Variants in POTEE observed in about 807,000 individuals in gnomAD.
POTEE encodes the protein POTE ankyrin domain family member E.
In POTEE, 21 loss-of-function variants were observed where a neutral mutation model predicts 74.2. The ratio of observed to expected loss-of-function variants is 0.28; its 90% CI spans 0.20 to 0.41. The LOEUF is 0.41. Ranked by LOEUF, POTEE falls within the 10% of genes least tolerant of loss-of-function variation. POTEE has a pLI of 1.00. For synonymous variants in POTEE, 211 were observed against 432.8 expected, an observed-to-expected ratio of 0.49 and a Z score of 6.36; for missense variants, 525 against 1,158.6, an observed-to-expected ratio of 0.45 and a Z score of 7.94.
In POTEE at chr2:131,263,901, C is replaced by T. The variant is rs777240667; in HGVS notation, c.2446C>T (p.Arg816Cys). The T allele has an allele frequency of 4.7e-4, 766 of 1,614,064 alleles. No homozygotes were observed. The highest frequency in any genetic ancestry group is 6.0e-4 in the Non-Finnish European group (706 of 1,180,034). The stretch of plus-strand genomic sequence containing the variant: ...GGCCCCCCTGAACCCCAAGGCCAAC[C>T]GCGAGAAGATGACCCAGATCATGTT... ...TEAPLNPKAN[R>C]EKMTQIMFET... Residue 816 changes from arginine (R) to cysteine (C), a missense_variant, in exon 18 of 18, where the codon CGC (arginine) becomes TGC (cysteine). Transcript: ENST00000683005.
intron 16 of POTEE, among the ~76,000 whole-genome samples, chr2:131,260,471 G>A (rs1701676395): frequency 2.3e-5 from 3 of 128,318 alleles, no homozygotes; most frequent in Non-Finnish European, 4.9e-5. Flanking sequence ...TCATTTGTTT[G>A]TGTCATCTGT....
chr2:131,231,466 T>TTGC (rs1700956250), intron 9 of POTEE, among the ~76,000 whole-genome samples: 1 of 152,056 alleles, frequency 6.6e-6, no homozygotes, highest in Non-Finnish European at 1.5e-5. Flanking sequence ...GACCCCTGCT[T>TTGC]TGCGTGGTCC....
intron 9 of POTEE, 66 bp downstream of exon 9, chr2:131,230,972 T>G (rs563756672): frequency 6.7e-7 from 1 of 1,500,230 alleles, no homozygotes; most frequent in South Asian, 1.2e-5. Context: ...CAGGGACCGG[T>G]TTTGTGGAAG....
chr2:131,260,349 A>G (rs900488536), intron 16 of POTEE, among the ~76,000 whole-genome samples: 4 of 145,026 alleles, frequency 2.8e-5, no homozygotes, highest in Non-Finnish European at 4.5e-5. Context: ...AATTCTGTGA[A>G]GAATGACATT....
chr2:131,210,498 C>T (rs1048485805), intron 1 of POTEE, among the ~76,000 whole-genome samples: 1 of 151,800 alleles, frequency 6.6e-6, no homozygotes, highest in Non-Finnish European at 1.5e-5. Context: ...ACAGCAACAG[C>T]CATGGTCTCC....
At chr2:131,226,604 T>G (rs1311425067) in intron 6 of POTEE, among the ~76,000 whole-genome samples, 1 of 149,306 alleles carries the variant, frequency 6.7e-6, no homozygotes, top group Non-Finnish European at 1.5e-5. Flanking sequence ...AAAGTGAGTT[T>G]TTGAGATGAT....
chr2:131,237,905 A>T (rs865819917), intron 10 of POTEE, among the ~76,000 whole-genome samples: 1,435 of 150,844 alleles, frequency 9.5e-3, no homozygotes, highest in African/African-American at 0.034. Flanking sequence ...TGACCAAATT[A>T]AGTTTGCTGG....
intron 9 of POTEE, among the ~76,000 whole-genome samples, chr2:131,231,854 A>G (rs1218048694): frequency 6.6e-6 from 1 of 152,176 alleles, no homozygotes; most frequent in Non-Finnish European, 1.5e-5. Context: ...TTATAGTCCA[A>G]ACTGTATGAG....
rs1439124607 is a variant in POTEE at position 131,228,395 on chromosome 2, T to TTA, written c.1055+15_1055+16dup. On this transcript the variant is annotated intron_variant, in intron 8 of 17. Transcript: ENST00000683005. ...TCATCATCATGTGTAAGTGTTTACA[T>TTA]TAAAAGGCTAGTTAATGCTGAATTG... The TTA allele has an allele frequency of 6.2e-7, 1 of 1,608,628 alleles. No individual in the cohort carries two copies. Among genetic ancestry groups the TTA allele is most frequent in the African/African-American group, 1.4e-5 (1 of 73,428 alleles).
Position 131,238,188 on chromosome 2 carries a change from C to T in POTEE, c.1198-6C>T, listed in dbSNP as rs1330467699. ...GCAAATTAACCTTCTGTTTTTGCCT[C>T]TGCAGAAAATGTCTCAAGAACTAGA... is the stretch of plus-strand genomic sequence containing the variant. On this transcript the variant is annotated splice_polypyrimidine_tract_variant and splice_region_variant and intron_variant, in intron 10 of 17. Transcript: ENST00000683005. 1.2e-6 allele frequency: 2 copies of T among 1,605,346 alleles called. No homozygotes were observed. The highest frequency in any genetic ancestry group is 1.1e-5 in the South Asian group (1 of 89,972).
At chr2:131,262,690 T>C (rs1701746238) in intron 17 of POTEE, among the ~76,000 whole-genome samples, 1 of 152,090 alleles carries the variant, frequency 6.6e-6, no homozygotes, top group South Asian at 2.1e-4. Context: ...CTTTTAAGAA[T>C]CGCGATCTTA....
intron 6 of POTEE, among the ~76,000 whole-genome samples, chr2:131,225,378 TAAC>T (rs113056508): frequency 1.8e-4 from 23 of 126,924 alleles, no homozygotes; most frequent in Admixed American, 3.3e-4. Context: ...ACCCTGTCTC[TAAC>T]AACAACAACA....
chr2:131,234,203 A>G (rs1204298824), intron 9 of POTEE, among the ~76,000 whole-genome samples: 2 of 151,800 alleles, frequency 1.3e-5, no homozygotes, highest in Non-Finnish European at 2.9e-5. Flanking sequence ...CTTTTAGGGA[A>G]TGATACTCTC....
chr2:131,253,360 C>T (rs572823346), intron 16 of POTEE, among the ~76,000 whole-genome samples: 3 of 149,328 alleles, frequency 2.0e-5, no homozygotes, highest in East Asian at 2.0e-4. Context: ...ATTTTAGCTT[C>T]GGGGTACGTG....
At chr2:131,217,049 T>C (rs1373515266) in intron 2 of POTEE, among the ~76,000 whole-genome samples, 2 of 152,152 alleles carry the variant, frequency 1.3e-5, no homozygotes, top group Admixed American at 1.3e-4. Flanking sequence ...ATTTTATACT[T>C]TAAATGAGTG....
intron 8 of POTEE, among the ~76,000 whole-genome samples, chr2:131,228,757 A>C (rs1411988764): frequency 1.4e-5 from 2 of 147,128 alleles, no homozygotes; most frequent in Non-Finnish European, 2.9e-5. Flanking sequence ...TCTGGGGACT[A>C]TGTCCTACAT....
chr2:131,214,148 G>A (rs1700406879), intron 2 of POTEE, among the ~76,000 whole-genome samples: 1 of 152,128 alleles, frequency 6.6e-6, no homozygotes, highest in Admixed American at 6.5e-5. Flanking sequence ...CCCCATTTTA[G>A]GAGAAACCTC....
chr2:131,211,016 A>G lies in POTEE; in HGVS notation c.-344-12A>G, dbSNP rs1469754835. 1.3e-5 allele frequency among the ~76,000 whole-genome samples: 2 copies of G among 150,872 alleles called. No homozygotes were observed. The highest frequency in any genetic ancestry group is 3.9e-4 in the East Asian group (2 of 5,184). On this transcript the variant is annotated splice_polypyrimidine_tract_variant and intron_variant, in intron 1 of 17. Transcript: ENST00000683005. Reference sequence around the variant, plus strand: ...AGGCTCTAACGTTACCACTCCCTGCATCCCATTCTAGGCTTTTCTGGCTTT... The same window carrying G: ...AGGCTCTAACGTTACCACTCCCTGCGTCCCATTCTAGGCTTTTCTGGCTTT...
At chr2:131,256,971 G>A (rs1203388256) in intron 16 of POTEE, among the ~76,000 whole-genome samples, 4 of 152,348 alleles carry the variant, frequency 2.6e-5, no homozygotes, top group Admixed American at 2.0e-4. Context: ...CTTCAAACCT[G>A]TTTGTGTCTT....
Sources: allele counts gnomAD v4.1 joint callset (sites outside exome capture counted in the v4.1 genomes callset), GRCh38; gene constraint gnomAD v4.1.1; transcripts MANE v1.5; gene names NCBI Gene and HGNC (gene_info 2026-07-23, HGNC 2026-07-21).